SCHIP1: variants seen among roughly 807,000 people sequenced by gnomAD.
SCHIP1 encodes schwannomin interacting protein 1.
SCHIP1 carries 8 observed loss-of-function variants against 29.7 expected under a neutral mutation model. The ratio of observed to expected loss-of-function variants is 0.27; its 90% CI spans 0.16 to 0.49. The LOEUF is 0.49. SCHIP1 is among the 20% of genes least tolerant of loss of function. The pLI, the probability that SCHIP1 is intolerant of heterozygous loss-of-function variation, is 0.99. For synonymous variants in SCHIP1, 76 were observed against 94.9 expected (o/e 0.80, Z 1.16); for missense variants, 193 against 294.6 (o/e 0.66, Z 2.52).
At chr3:159,471,173 A>C in the SCHIP1 span, among the ~76,000 whole-genome samples, 1 of 152,174 alleles carries the variant, frequency 6.6e-6, no homozygotes, top group Non-Finnish European at 1.5e-5. Flanking sequence ...TTAAAAGTCC[A>C]TCCTGGAAAG....
chr3:159,604,494 C>T, the SCHIP1 span, among the ~76,000 whole-genome samples: 2 of 152,168 alleles, frequency 1.3e-5, no homozygotes, highest in Non-Finnish European at 2.9e-5. Context: ...TGAGTGGCTT[C>T]TCTGTGCCAG....
chr3:159,504,112 A>G, the SCHIP1 span, among the ~76,000 whole-genome samples: 3 of 152,336 alleles, frequency 2.0e-5, no homozygotes, highest in Middle Eastern at 0.01. Flanking sequence ...GTGGAGGACC[A>G]TTAACAGAGG....
At chr3:159,330,260 T>TTCCTTA in the SCHIP1 span, among the ~76,000 whole-genome samples, 13 of 152,308 alleles carry the variant, frequency 8.5e-5, no homozygotes, top group Admixed American at 7.8e-4. Context: ...TCTATTTCTA[T>TTCCTTA]GTGTTCCTTA....
the SCHIP1 span, among the ~76,000 whole-genome samples, chr3:159,691,331 A>G: frequency 6.6e-6 from 1 of 151,150 alleles, no homozygotes; most frequent in South Asian, 2.1e-4. Context: ...TTATCCCTTT[A>G]CCATTATGTA....
the SCHIP1 span, among the ~76,000 whole-genome samples, chr3:159,416,610 T>C: frequency 8.9e-3 from 1,353 of 152,374 alleles, 13 homozygotes; most frequent in African/African-American, 0.031. Flanking sequence ...ATTGGATTTT[T>C]TCCACTTTCT....
At chr3:159,438,662 C>T in the SCHIP1 span, among the ~76,000 whole-genome samples, 1 of 152,128 alleles carries the variant, frequency 6.6e-6, no homozygotes, top group Admixed American at 6.5e-5. Flanking sequence ...CTTTGACATA[C>T]CCCAGTGTGT....
the SCHIP1 span, among the ~76,000 whole-genome samples, chr3:159,683,875 C>T: frequency 1.3e-5 from 2 of 152,142 alleles, no homozygotes; most frequent in African/African-American, 2.4e-5. Context: ...ATTTACTATG[C>T]CCCTTCCCTG....
chr3:159,420,027 A>G, the SCHIP1 span, among the ~76,000 whole-genome samples: 1 of 152,198 alleles, frequency 6.6e-6, no homozygotes, highest in Non-Finnish European at 1.5e-5. Context: ...TGCTATTTTC[A>G]TGACCATCCG....
At chr3:159,481,283 C>G in the SCHIP1 span, among the ~76,000 whole-genome samples, 1 of 151,960 alleles carries the variant, frequency 6.6e-6, no homozygotes, top group African/African-American at 2.4e-5. Context: ...TCTTGATGTA[C>G]CATAAGCATG....
At chr3:159,379,678 A>T in the SCHIP1 span, among the ~76,000 whole-genome samples, 4 of 152,128 alleles carry the variant, frequency 2.6e-5, no homozygotes, top group African/African-American at 9.7e-5. Flanking sequence ...TTTAATGGGG[A>T]TTACATTATT....
the SCHIP1 span, among the ~76,000 whole-genome samples, chr3:159,476,883 T>C: frequency 6.6e-6 from 1 of 152,176 alleles, no homozygotes; most frequent in Non-Finnish European, 1.5e-5. Flanking sequence ...TGCTGTGGAA[T>C]AGATCTCAAA....
intron 1 of SCHIP1, among the ~76,000 whole-genome samples, chr3:159,842,988 C>G (rs1354529193): frequency 1.1e-5 from 1 of 95,218 alleles, no homozygotes; most frequent in Non-Finnish European, 2.3e-5. Flanking sequence ...CAGTTCTATC[C>G]CAATATTTCT....
chr3:159,680,579 C>G, the SCHIP1 span, among the ~76,000 whole-genome samples: 3 of 98,008 alleles, frequency 3.1e-5, no homozygotes, highest in African/African-American at 4.3e-5. Flanking sequence ...TATAATATAT[C>G]TATATATAAT....
At chr3:159,691,428 T>G in the SCHIP1 span, among the ~76,000 whole-genome samples, 1 of 149,888 alleles carries the variant, frequency 6.7e-6, no homozygotes, top group Non-Finnish European at 1.5e-5. Flanking sequence ...TTTTTTTTTT[T>G]TTTTTTTGCT....
At chr3:159,616,757 G>A in the SCHIP1 span, among the ~76,000 whole-genome samples, 2 of 152,072 alleles carry the variant, frequency 1.3e-5, no homozygotes, top group African/African-American at 4.8e-5. Flanking sequence ...TCCCTTGCAA[G>A]TTGGTTGAGG....
chr3:159,472,505 C>G, the SCHIP1 span, among the ~76,000 whole-genome samples: 1 of 152,134 alleles, frequency 6.6e-6, no homozygotes, highest in African/African-American at 2.4e-5. Context: ...TTGCCTGAGT[C>G]GGCTGTGCTC....
chr3:159,444,689 C>T, the SCHIP1 span, among the ~76,000 whole-genome samples: 1 of 152,176 alleles, frequency 6.6e-6, no homozygotes, highest in East Asian at 1.9e-4. Context: ...AGAGATGTAG[C>T]AAATCATATG....
At chr3:159,689,776 A>G in the SCHIP1 span, among the ~76,000 whole-genome samples, 1 of 152,184 alleles carries the variant, frequency 6.6e-6, no homozygotes, top group Admixed American at 6.5e-5. Flanking sequence ...TGTTCCATCA[A>G]TGCCTAGTTT....
chr3:159,333,388 A>T, the SCHIP1 span, among the ~76,000 whole-genome samples: 3 of 152,178 alleles, frequency 2.0e-5, no homozygotes, highest in Non-Finnish European at 2.9e-5. Context: ...TAGTCAATAA[A>T]TGTTTGCTAT....
Sources: gnomAD v4.1 joint callset for allele counts (sites outside exome capture counted in the v4.1 genomes callset) on GRCh38, gnomAD v4.1.1 for gene constraint, MANE v1.5 for transcripts, NCBI Gene and HGNC (gene_info 2026-07-23, HGNC 2026-07-21) for gene names.